The following DGKI variants were observed in gnomAD, a reference collection of about 807,000 sequenced individuals.
The protein encoded by DGKI is DAG kinase iota.
Under a neutral mutation model 147.5 loss-of-function variants are expected in DGKI, and 55 were observed. The ratio of observed to expected loss-of-function variants is 0.37; its 90% CI spans 0.30 to 0.47. The LOEUF is 0.47. Ranked by LOEUF, DGKI falls within the 20% of genes least tolerant of loss-of-function variation. The pLI, the probability that DGKI is intolerant of heterozygous loss-of-function variation, is 1.00. For synonymous variants in DGKI, 469 were observed against 477.1 expected, an observed-to-expected ratio of 0.98 and a Z score of 0.22; for missense variants, 1,007 against 1,323.8, an observed-to-expected ratio of 0.76 and a Z score of 3.71.
At chr7:137,737,231 T>C (rs1200373402) in intron 1 of DGKI, among the ~76,000 whole-genome samples, 1 of 110,482 alleles carries the variant, frequency 9.1e-6, no homozygotes, top group Non-Finnish European at 1.9e-5. Context: ...AAAAAATACA[T>C]ACAAATTTTC....
At chr7:137,783,063 A>G (rs1796567763) in intron 1 of DGKI, among the ~76,000 whole-genome samples, 1 of 152,218 alleles carries the variant, frequency 6.6e-6, no homozygotes, top group Non-Finnish European at 1.5e-5. Flanking sequence ...TAATATGACA[A>G]AACAAGATTA....
At chr7:137,691,783 T>C (rs187929779) in intron 1 of DGKI, among the ~76,000 whole-genome samples, 2 of 147,432 alleles carry the variant, frequency 1.4e-5, no homozygotes, top group East Asian at 4.1e-4. Context: ...GCTCAGCAAG[T>C]GTCTAGACCT....
intron 1 of DGKI, among the ~76,000 whole-genome samples, chr7:137,761,048 G>A (rs3778810): frequency 0.5 from 75,587 of 151,924 alleles, 21,483 homozygotes; most frequent in African/African-American, 0.8. Context: ...ATCTTAAAAC[G>A]ACATCCCTAG....
rs1242894927 is a variant in DGKI, at chr7:137,381,142, C to T, written c.*10078G>A. The T allele has an allele frequency of 6.6e-6, 1 of 152,100 alleles. No homozygotes were observed. 9.4% of individuals were successfully genotyped at this position (152,100 alleles called of 1,614,324 possible). ...TCAATTTCTTTTTCAGAGATTAGTTCAGTCTCCCAAATTAACTCCATTGAA... is the reference window on the plus strand; with the variant it reads ...TCAATTTCTTTTTCAGAGATTAGTTTAGTCTCCCAAATTAACTCCATTGAA... On this transcript the variant is annotated 3_prime_UTR_variant, in exon 33 of 33. Coordinates refer to ENST00000614521, the MANE Select transcript of DGKI (RefSeq NM_001321708.2).
intron 21 of DGKI, among the ~76,000 whole-genome samples, chr7:137,518,597 T>C (rs1287487251): frequency 6.6e-6 from 1 of 152,110 alleles, no homozygotes; most frequent in Non-Finnish European, 1.5e-5. Flanking sequence ...CTGTTTTCAA[T>C]TGGCTTCAAG....
intron 1 of DGKI, among the ~76,000 whole-genome samples, chr7:137,800,832 T>C (rs1172124904): frequency 6.6e-6 from 1 of 152,146 alleles, no homozygotes; most frequent in Non-Finnish European, 1.5e-5. Context: ...CACCCAATGC[T>C]CCATCCAATG....
chr7:137,727,905 C>T (rs942962687), intron 1 of DGKI, among the ~76,000 whole-genome samples: 2 of 151,994 alleles, frequency 1.3e-5, no homozygotes, highest in Admixed American at 6.6e-5. Context: ...AATAATCCAT[C>T]GGAGCAGAAT....
chr7:137,512,536 A>C (rs770189210), intron 21 of DGKI, among the ~76,000 whole-genome samples: 2 of 152,226 alleles, frequency 1.3e-5, no homozygotes, highest in Admixed American at 6.5e-5. Flanking sequence ...CAAATGGACT[A>C]GGCTGGTCTA....
chr7:137,702,219 G>A (rs1824008029), intron 1 of DGKI, among the ~76,000 whole-genome samples: 1 of 152,044 alleles, frequency 6.6e-6, no homozygotes, highest in African/African-American at 2.4e-5. Context: ...TTAAAAAACT[G>A]AATGACCTTG....
intron 28 of DGKI, among the ~76,000 whole-genome samples, chr7:137,413,676 C>T (rs934758221): frequency 6.6e-6 from 1 of 152,258 alleles, no homozygotes; most frequent in South Asian, 2.1e-4. Flanking sequence ...TCTTTATCTG[C>T]TCCACTGCTG....
chr7:137,596,858 C>A (rs1819816560), intron 12 of DGKI, among the ~76,000 whole-genome samples: 1 of 152,222 alleles, frequency 6.6e-6, no homozygotes, highest in Admixed American at 6.5e-5. Context: ...TTGTTGCTAC[C>A]TTTGAGAATA....
intron 20 of DGKI, among the ~76,000 whole-genome samples, chr7:137,539,949 T>C (rs534561305): frequency 3.9e-4 from 59 of 151,796 alleles, no homozygotes; most frequent in African/African-American, 1.4e-3. Context: ...GAGAAAGAAA[T>C]ACAACAACTC....
At chr7:137,775,993 G>T (rs927367599) in intron 1 of DGKI, among the ~76,000 whole-genome samples, 9 of 151,980 alleles carry the variant, frequency 5.9e-5, no homozygotes, top group Non-Finnish European at 1.3e-4. Context: ...CGAGTAGCTG[G>T]GATTATAAGC....
At chr7:137,498,123 CTCAT>C (rs1178008105) in intron 21 of DGKI, among the ~76,000 whole-genome samples, 1 of 151,286 alleles carries the variant, frequency 6.6e-6, no homozygotes, top group Non-Finnish European at 1.5e-5. Context: ...AAAGAGGAAC[CTCAT>C]TCAGAGAATA....
chr7:137,810,626 C>T (rs568546671), intron 1 of DGKI, among the ~76,000 whole-genome samples: 1 of 152,290 alleles, frequency 6.6e-6, no homozygotes, highest in Non-Finnish European at 1.5e-5. Context: ...GTTAAAATAA[C>T]AGCAGTTTAT....
intron 28 of DGKI, among the ~76,000 whole-genome samples, chr7:137,438,087 A>C (rs566106938): frequency 6.6e-6 from 1 of 152,168 alleles, no homozygotes; most frequent in African/African-American, 2.4e-5. Context: ...CTGCAGTAAA[A>C]TAAAGAATAT....
At position 137,553,552 on chromosome 7, in the gene DGKI, TAA is replaced by T. The variant is rs35473023; in HGVS notation, c.1948-986_1948-985del. Among the ~76,000 whole-genome samples, 977 of 150,542 alleles carry T rather than the reference TAA, an allele frequency of 6.5e-3. 9 individuals carry two copies. The highest frequency in any genetic ancestry group is 0.022 in the African/African-American group (922 of 41,254). ...ATTTGTATAACCTCTTCTGACTTAG[TAA>T]AAAAAAAATGTATTTAGTATTATTT... is the stretch of plus-strand genomic sequence containing the variant. On this transcript the variant is annotated intron_variant, in intron 19 of 32. Transcript: ENST00000614521.
At chr7:137,628,482 G>T (rs1367142083) in intron 6 of DGKI, among the ~76,000 whole-genome samples, 1 of 152,158 alleles carries the variant, frequency 6.6e-6, no homozygotes, top group African/African-American at 2.4e-5. Context: ...ACCTGCTATA[G>T]GAAGACTCTG....
At chr7:137,588,320 A>G (rs1271084965) in intron 12 of DGKI, among the ~76,000 whole-genome samples, 1 of 152,120 alleles carries the variant, frequency 6.6e-6, no homozygotes, top group Non-Finnish European at 1.5e-5. Context: ...ATGTTTCTCA[A>G]AAATACTAGA....
Sources: allele counts gnomAD v4.1 joint callset (sites outside exome capture counted in the v4.1 genomes callset), GRCh38; gene constraint gnomAD v4.1.1; transcripts MANE v1.5; gene names NCBI Gene and HGNC (gene_info 2026-07-23, HGNC 2026-07-21).